The following NRG3 variants were observed in gnomAD, a reference collection of about 807,000 sequenced individuals.
NRG3 encodes pro-neuregulin-3, membrane-bound isoform.
In NRG3, 31 loss-of-function variants were observed where a neutral mutation model predicts 66.9. The observed-to-expected ratio is 0.46, with a 90% CI of 0.35 to 0.63. The LOEUF (loss-of-function observed/expected upper bound fraction) is 0.63. Among genes scored for constraint, NRG3 ranks in the 20% least tolerant of loss-of-function variants. The probability of loss-of-function intolerance (pLI) is 0.00; values close to 1 mark genes in which losing one functional copy is unlikely to be tolerated. For synonymous variants in NRG3, 393 were observed against 359.4 expected, an observed-to-expected ratio of 1.09 and a Z score of -1.06; for missense variants, 910 against 878.9, an observed-to-expected ratio of 1.04 and a Z score of -0.45.
intron 6 of NRG3, among the ~76,000 whole-genome samples, chr10:82,971,598 A>C (rs952322098): frequency 6.6e-6 from 1 of 151,938 alleles, no homozygotes; most frequent in Non-Finnish European, 1.5e-5. Context: ...CACCATGCCC[A>C]GCTAATTTTT....
At chr10:81,975,498 T>TG (rs2060091434) in intron 1 of NRG3, among the ~76,000 whole-genome samples, 1 of 152,026 alleles carries the variant, frequency 6.6e-6, no homozygotes, top group African/African-American at 2.4e-5. Context: ...ACTTGGGAAG[T>TG]GATTCCTGGA....
intron 1 of NRG3, among the ~76,000 whole-genome samples, chr10:82,016,730 G>A (rs563231335): frequency 6.6e-6 from 1 of 152,240 alleles, no homozygotes; most frequent in East Asian, 1.9e-4. Flanking sequence ...AAGATAAATG[G>A]TTGGGAATTC....
chr10:82,740,823 C>CA lies in NRG3; in HGVS notation c.1027+2199dup, dbSNP rs56944502. ...TGGGTGACAGAGCAAGACTCTGTCT[C>CA]AAAAAAAAAAAAAAAAAAAAAAAAA... is the stretch of plus-strand genomic sequence containing the variant. On this transcript the variant is annotated intron_variant, in intron 3 of 8. Coordinates refer to ENST00000372141, the MANE Select transcript of NRG3 (RefSeq NM_001010848.4). Among the ~76,000 whole-genome samples, 341 of 118,284 alleles carry CA rather than the reference C, an allele frequency of 2.9e-3. 4 individuals carry two copies. Among genetic ancestry groups the CA allele is most frequent in the South Asian group, 0.013 (44 of 3,452 alleles). The allele number at this position is 118,284 out of a possible 152,430, so 77.6% of individuals were successfully genotyped here. A position where few individuals can be genotyped will look rare whatever the true frequency, so the allele number is the denominator to read the frequency against.
At chr10:82,833,560 A>G (rs922913520) in intron 3 of NRG3, among the ~76,000 whole-genome samples, 6 of 152,248 alleles carry the variant, frequency 3.9e-5, no homozygotes, top group South Asian at 2.1e-4. Context: ...GATGGAATCC[A>G]TGTTCCCTGC....
intron 5 of NRG3, among the ~76,000 whole-genome samples, chr10:82,954,800 T>TTG (rs113113874): frequency 0.016 from 2,285 of 147,168 alleles, 42 homozygotes; most frequent in African/African-American, 0.032. Flanking sequence ...CTGGCACAAG[T>TTG]TGTGTGTGTG....
chr10:82,360,961 G>T (rs1355354877), intron 2 of NRG3, among the ~76,000 whole-genome samples: 1 of 152,050 alleles, frequency 6.6e-6, no homozygotes, highest in Non-Finnish European at 1.5e-5. Flanking sequence ...AGCCATATTA[G>T]ATTAGATCAC....
intron 1 of NRG3, among the ~76,000 whole-genome samples, chr10:82,307,423 A>G (rs1275073295): frequency 1.3e-5 from 2 of 152,162 alleles, no homozygotes; most frequent in African/African-American, 4.8e-5. Context: ...TCACTGGTTC[A>G]TATTTTTTTC....
intron 1 of NRG3, among the ~76,000 whole-genome samples, chr10:82,150,766 C>G (rs981177055): frequency 6.6e-6 from 1 of 152,096 alleles, no homozygotes; most frequent in Non-Finnish European, 1.5e-5. Context: ...CTATGCCTGT[C>G]ACAATTTCCA....
intron 1 of NRG3, among the ~76,000 whole-genome samples, chr10:82,056,959 C>T (rs2063873380): frequency 6.6e-6 from 1 of 152,092 alleles, no homozygotes; most frequent in Non-Finnish European, 1.5e-5. Context: ...GTAGAATTCA[C>T]AACCTTCTGA....
intron 2 of NRG3, among the ~76,000 whole-genome samples, chr10:82,657,982 G>A (rs1260578881): frequency 6.7e-6 from 1 of 150,088 alleles, no homozygotes; most frequent in Non-Finnish European, 1.5e-5. Flanking sequence ...TGAAACAAAA[G>A]AAAATCTGAT....
At chr10:81,954,623 A>C (rs1055735736) in intron 1 of NRG3, among the ~76,000 whole-genome samples, 2 of 152,250 alleles carry the variant, frequency 1.3e-5, no homozygotes, top group African/African-American at 4.8e-5. Context: ...CTGCTGCTAA[A>C]ATGATCATTG....
chr10:82,385,633 A>G (rs943150256), intron 2 of NRG3, among the ~76,000 whole-genome samples: 2 of 152,174 alleles, frequency 1.3e-5, no homozygotes, highest in Non-Finnish European at 2.9e-5. Context: ...GCAATATTTT[A>G]TAGGTAAGTA....
At chr10:82,317,027 C>T (rs1008512069) in intron 1 of NRG3, among the ~76,000 whole-genome samples, 5 of 152,132 alleles carry the variant, frequency 3.3e-5, no homozygotes, top group Non-Finnish European at 7.3e-5. Context: ...CTGGTTGTGA[C>T]CTGTCATTGT....
intron 2 of NRG3, among the ~76,000 whole-genome samples, chr10:82,695,735 C>G (rs920874663): frequency 1.3e-5 from 2 of 151,860 alleles, no homozygotes; most frequent in African/African-American, 4.8e-5. Flanking sequence ...ATTTTATTTT[C>G]CTTCTTCCAT....
chr10:82,073,046 G>T (rs1342215581), intron 1 of NRG3, among the ~76,000 whole-genome samples: 1 of 151,646 alleles, frequency 6.6e-6, no homozygotes, highest in Admixed American at 6.6e-5. Context: ...AAGTGTTGGG[G>T]TTACAGGCAT....
At chr10:82,370,558 T>A in intron 2 of NRG3, among the ~76,000 whole-genome samples, 1 of 105,110 alleles carries the variant, frequency 9.5e-6, no homozygotes, top group African/African-American at 8.5e-5. Flanking sequence ...TGCGGGCATC[T>A]AGGCTTAAAG....
At chr10:82,163,185 C>G (rs1020689975) in intron 1 of NRG3, among the ~76,000 whole-genome samples, 1 of 152,098 alleles carries the variant, frequency 6.6e-6, no homozygotes, top group Admixed American at 6.6e-5. Context: ...ATATTAATCT[C>G]TCTTCTAATA....
chr10:81,955,680 A>G (rs1849762453), intron 1 of NRG3, among the ~76,000 whole-genome samples: 1 of 152,128 alleles, frequency 6.6e-6, no homozygotes, highest in Non-Finnish European at 1.5e-5. Flanking sequence ...AAAAGTTGAT[A>G]CCTTTGAGGA....
chr10:82,213,323 A>G (rs1240591255), intron 1 of NRG3, among the ~76,000 whole-genome samples: 1 of 152,236 alleles, frequency 6.6e-6, no homozygotes, highest in African/African-American at 2.4e-5. Flanking sequence ...GAGTTCTGGC[A>G]TGATATCACA....
Sources: allele counts gnomAD v4.1 joint callset (sites outside exome capture counted in the v4.1 genomes callset), GRCh38; gene constraint gnomAD v4.1.1; transcripts MANE v1.5; gene names NCBI Gene and HGNC (gene_info 2026-07-23, HGNC 2026-07-21).